Variants in PLG observed in about 807,000 individuals in gnomAD.
PLG encodes the protein plasminogen.
Under a neutral mutation model 104.4 loss-of-function variants are expected in PLG, and 41 were observed. The observed-to-expected ratio is 0.39, with a 90% CI of 0.31 to 0.51. The LOEUF is 0.51. Among genes scored for constraint, PLG ranks in the 20% least tolerant of loss-of-function variants. PLG has a pLI of 0.76. For missense variants in PLG, 891 were observed against 1,003.6 expected, an observed-to-expected ratio of 0.89 and a Z score of 1.52; for synonymous variants, 337 against 357.1, an observed-to-expected ratio of 0.94 and a Z score of 0.63.
At chr6:160,745,429 T>A (rs1323872853) in intron 17 of PLG, among the ~76,000 whole-genome samples, 1 of 152,202 alleles carries the variant, frequency 6.6e-6, no homozygotes, top group African/African-American at 2.4e-5. Flanking sequence ...TTGGTCTTTG[T>A]TGGTTTAAAG....
intron 1 of PLG, 100 bp from the exon 2 acceptor site, chr6:160,706,307 T>C: frequency 1.3e-6 from 2 of 1,508,010 alleles, no homozygotes; most frequent in Non-Finnish European, 1.8e-6. Context: ...AAAGTTTTAT[T>C]TGGTTAATGC....
chr6:160,720,489 G>A (rs553659624), intron 9 of PLG, among the ~76,000 whole-genome samples: 5 of 120,162 alleles, frequency 4.2e-5, no homozygotes, highest in Middle Eastern at 7.6e-3. Context: ...GCGCAATCTC[G>A]GCTCACTGCA....
At position 160,735,954 on chromosome 6, in the gene PLG, T is replaced by C. The variant is rs139996929; in HGVS notation, c.1682-933T>C. ...ACAGCCCATGGCAAATGTAAAGTTA[T>C]TTGGAAAACCCAGGTTCCAGATTCA... On this transcript the variant is annotated intron_variant, in intron 13 of 18. Transcript: ENST00000308192. The surrounding 1 kb of genome is among the most constrained non-coding windows in gnomAD (Gnocchi z 5.4). Among the ~76,000 whole-genome samples, 1 of 152,310 alleles carries C rather than the reference T, an allele frequency of 6.6e-6. No individual in the cohort carries two copies. Among genetic ancestry groups the C allele is most frequent in the East Asian group, 1.9e-4 (1 of 5,186 alleles).
Position 160,714,921 on chromosome 6 carries a change from C to T in PLG, c.668+7C>T. On this transcript the variant is annotated splice_region_variant and intron_variant, in intron 6 of 18. Transcript: ENST00000308192. ...ATGGATACATTCCTTCCAAGTAAGT[C>T]TCACTGGGAAAAACATTCCATGTTT... is the stretch of plus-strand genomic sequence containing the variant. 1 of 1,613,228 alleles carries T rather than the reference C, an allele frequency of 6.2e-7. No homozygotes were observed. The highest frequency in any genetic ancestry group is 8.5e-7 in the Non-Finnish European group (1 of 1,179,296).
chr6:160,749,781 A>C (rs1271799575), intron 17 of PLG, among the ~76,000 whole-genome samples: 1 of 150,746 alleles, frequency 6.6e-6, no homozygotes, highest in African/African-American at 2.4e-5. Flanking sequence ...CACCACCTCC[A>C]TGATCATTAC....
At chr6:160,720,198 A>G (rs1338530762) in intron 9 of PLG, among the ~76,000 whole-genome samples, 26 of 152,066 alleles carry the variant, frequency 1.7e-4, no homozygotes. Context: ...TCTGTTTTAA[A>G]TAGTTTGACT....
chr6:160,713,647 C>A (rs1208560955), intron 5 of PLG, among the ~76,000 whole-genome samples: 1 of 152,166 alleles, frequency 6.6e-6, no homozygotes, highest in African/African-American at 2.4e-5. Context: ...GTACAAACTT[C>A]TTATGCTTAC....
rs1491473862 is a variant in PLG at position 160,748,416 on chromosome 6, G to GA, written c.2126-3699_2126-3698insA. On this transcript the variant is annotated intron_variant, in intron 17 of 18. Transcript: ENST00000308192. ...AGAAAGAAAGGAAGAAAGAAAGAAA[G>GA]GGAAAGAAAGAGAACGAAAGAAAGA... 7.5e-5 allele frequency among the ~76,000 whole-genome samples: 4 copies of GA among 53,424 alleles called. 1 individual carries two copies. The highest frequency in any genetic ancestry group is 3.1e-4 in the African/African-American group (4 of 13,040). The allele number at this position is 53,424 out of a possible 152,430, so 35.0% of individuals were successfully genotyped here.
intron 9 of PLG, among the ~76,000 whole-genome samples, chr6:160,721,526 T>C (rs1777827434): frequency 6.6e-6 from 1 of 152,178 alleles, no homozygotes; most frequent in South Asian, 2.1e-4. Flanking sequence ...GGGCCTGGGG[T>C]GCTAAAGAGT....
intron 3 of PLG, among the ~76,000 whole-genome samples, chr6:160,710,451 G>T (rs184762743): frequency 0.019 from 2,881 of 152,072 alleles, 114 homozygotes; most frequent in African/African-American, 0.066. Flanking sequence ...ACCCAGGTGG[G>T]CACCGGACTG....
intron 8 of PLG, 116 bp from the exon 9 acceptor site, chr6:160,718,577 A>G: frequency 7.3e-7 from 1 of 1,362,792 alleles, no homozygotes; most frequent in Non-Finnish European, 1.1e-6. Flanking sequence ...TGATCTAGTC[A>G]TAAGTAAAGG....
intron 10 of PLG, among the ~76,000 whole-genome samples, chr6:160,727,930 G>T (rs1777943600): frequency 6.6e-6 from 1 of 151,692 alleles, no homozygotes; most frequent in African/African-American, 2.4e-5. Flanking sequence ...CACAACCATT[G>T]CCATAAGACC....
intron 17 of PLG, among the ~76,000 whole-genome samples, chr6:160,748,366 A>AAGAGAGAGAGAGAGAGAG (rs1554252951): frequency 4.7e-4 from 18 of 38,134 alleles, no homozygotes; most frequent in African/African-American, 1.3e-3. Flanking sequence ...GAAAGAAAGA[A>AAGAGAGAGAGAGAGAGAG]AGAAAGAAAG....
rs1777889856 is a variant in PLG at position 160,724,233 on chromosome 6, AAC to A, written c.1256+1668_1256+1669del. ...TGTTCAAGGATTTAAATAAAACATG[AAC>A]ATGGAAGAAACAAATGGATAATATC... is the stretch of plus-strand genomic sequence containing the variant. On this transcript the variant is annotated intron_variant, in intron 10 of 18. Coordinates refer to ENST00000308192, the MANE Select transcript of PLG (RefSeq NM_000301.5). The surrounding 1 kb of genome is among the most constrained non-coding windows in gnomAD (Gnocchi z 5.0). Among the ~76,000 whole-genome samples, 1 of 152,184 alleles carries A rather than the reference AAC, an allele frequency of 6.6e-6. No homozygotes were observed. The highest frequency in any genetic ancestry group is 1.5e-5 in the Non-Finnish European group (1 of 68,030).
rs1778170353 is a variant in PLG at position 160,740,390 on chromosome 6, A to C, written c.2019-921A>C. 6.6e-6 allele frequency among the ~76,000 whole-genome samples: 1 copy of C among 152,176 alleles called. No individual in the cohort carries two copies. Among genetic ancestry groups the C allele is most frequent in the Non-Finnish European group, 1.5e-5 (1 of 68,034 alleles). On this transcript the variant is annotated intron_variant, in intron 16 of 18. Coordinates refer to ENST00000308192, the MANE Select transcript of PLG (RefSeq NM_000301.5). This position sits in a 1 kb window ranked among gnomAD's most constrained non-coding sequence, Gnocchi z 5.2. ...CTGGGGTGTTCTGATGGCTTGAACA[A>C]GTAATTTGGAAATTTTGGGTTTTGG...
rs1778053850 is a variant in PLG at position 160,734,468 on chromosome 6, A to C, written c.1681+380A>C. On this transcript the variant is annotated intron_variant, in intron 13 of 18. Transcript: ENST00000308192. This position sits in a 1 kb window ranked among gnomAD's most constrained non-coding sequence, Gnocchi z 4.4. ...GCTGAGAAGTAAGAAAGAAAATACA[A>C]ACAGCAGGAAACAGGTAAGCATGTA... Among the ~76,000 whole-genome samples, 1 of 152,184 alleles carries C rather than the reference A, an allele frequency of 6.6e-6. No homozygotes were observed. Among genetic ancestry groups the C allele is most frequent in the African/African-American group, 2.4e-5 (1 of 41,432 alleles).
At chr6:160,712,915 T>G in intron 4 of PLG, 71 bp from the exon 5 acceptor site, 1 of 1,127,310 alleles carries the variant, frequency 8.9e-7, no homozygotes, top group South Asian at 1.2e-5. Flanking sequence ...CGAGAGCATC[T>G]CCTTCTGCCT....
rs1257364810 is a variant in PLG at position 160,731,641 on chromosome 6, C to A, written c.1439-104C>A. On this transcript the variant is annotated intron_variant, in intron 11 of 18. Transcript: ENST00000308192. The surrounding 1 kb of genome is among the most constrained non-coding windows in gnomAD (Gnocchi z 5.1). Reference sequence around the variant, plus strand: ...GCATTGCAGTTTCTGAGGAATGTGGCCCCTGATTCTGTCATCCTAGAGAAA... The same window carrying A: ...GCATTGCAGTTTCTGAGGAATGTGGACCCTGATTCTGTCATCCTAGAGAAA... The A allele has an allele frequency of 1.0e-5, 11 of 1,096,456 alleles. No homozygotes were observed. The highest frequency in any genetic ancestry group is 1.4e-5 in the Non-Finnish European group (10 of 712,804). 67.9% of individuals were successfully genotyped at this position (1,096,456 alleles called of 1,614,324 possible).
rs1777430330 is a variant in PLG, at chr6:160,702,256, C to T, written c.-49C>T. 5.0e-6 allele frequency: 8 copies of T among 1,605,748 alleles called. No homozygotes were observed. Among genetic ancestry groups the T allele is most frequent in the Non-Finnish European group, 6.8e-6 (8 of 1,177,228 alleles). ...CGTTTACTCTCATGTAAGTCAACAA[C>T]ATCCTGGGATTGGGACCCACTTTCT... On this transcript the variant is annotated 5_prime_UTR_variant, in exon 1 of 19. Coordinates refer to ENST00000308192, the MANE Select transcript of PLG (RefSeq NM_000301.5).
Sources: allele counts gnomAD v4.1 joint callset (sites outside exome capture counted in the v4.1 genomes callset), GRCh38; gene constraint gnomAD v4.1.1; non-coding constraint Gnocchi (gnomAD v3.1); transcripts MANE v1.5; gene names NCBI Gene and HGNC (gene_info 2026-07-23, HGNC 2026-07-21).